Variants in ZNF804A observed in about 807,000 individuals in gnomAD.
ZNF804A encodes the protein zinc finger protein 804A.
A neutral mutation model predicts 16.5 loss-of-function variants in ZNF804A; 2 were observed. The observed-to-expected ratio is 0.12, with a 90% confidence interval of 0.05 to 0.38. ZNF804A has a LOEUF of 0.38. Among genes scored for constraint, ZNF804A ranks in the 10% least tolerant of loss-of-function variants. ZNF804A has a pLI of 0.99. For missense variants in ZNF804A, 1,473 were observed against 1,390.7 expected, an observed-to-expected ratio of 1.06 and a Z score of -0.94; for synonymous variants, 534 against 489.6, an observed-to-expected ratio of 1.09 and a Z score of -1.20.
At chr2:184,894,163 T>C (rs1249759985) in intron 2 of ZNF804A, among the ~76,000 whole-genome samples, 2 of 152,160 alleles carry the variant, frequency 1.3e-5, no homozygotes, top group Admixed American at 6.5e-5. Flanking sequence ...GCTTACCCCG[T>C]TTCAGTTACT....
intron 1 of ZNF804A, among the ~76,000 whole-genome samples, chr2:184,678,824 T>C (rs1238701404): frequency 6.6e-6 from 1 of 152,116 alleles, no homozygotes; most frequent in East Asian, 1.9e-4. Flanking sequence ...AGGAATAGGA[T>C]GGAAACAGTT....
At chr2:184,626,339 C>T (rs1040049770) in intron 1 of ZNF804A, among the ~76,000 whole-genome samples, 23 of 152,086 alleles carry the variant, frequency 1.5e-4, no homozygotes, top group Admixed American at 3.9e-4. Flanking sequence ...CTACATTTTT[C>T]TGCTTGAAGA....
At chr2:184,898,632 A>G (rs1685127483) in intron 2 of ZNF804A, among the ~76,000 whole-genome samples, 1 of 152,060 alleles carries the variant, frequency 6.6e-6, no homozygotes, top group Non-Finnish European at 1.5e-5. Flanking sequence ...TTTATATTTT[A>G]CCTTTCTCTA....
intron 2 of ZNF804A, among the ~76,000 whole-genome samples, chr2:184,892,483 C>T (rs199722731): frequency 6.2e-4 from 66 of 105,692 alleles, no homozygotes; most frequent in East Asian, 1.6e-3. Flanking sequence ...TTGTTGTGTT[C>T]TTTTTTTTTT....
chr2:184,787,874 G>T (rs1466105156), intron 1 of ZNF804A, among the ~76,000 whole-genome samples: 1 of 149,324 alleles, frequency 6.7e-6, no homozygotes. Flanking sequence ...ATTTGTTTTT[G>T]TTACATTTGC....
At position 184,935,788 on chromosome 2, in the gene ZNF804A, C is replaced by T; in HGVS notation, c.392C>T (p.Pro131Leu). The T allele has an allele frequency of 6.3e-7, 1 of 1,599,840 alleles. No individual in the cohort carries two copies. The change falls in exon 4 of 4, where the codon CCT becomes CTT. Residue 131 changes from proline (P) to leucine (L), a missense_variant. By Grantham distance (98) the Pro-to-Leu change is moderately conservative. Coordinates refer to ENST00000302277, the MANE Select transcript of ZNF804A (RefSeq NM_194250.2). ...AELRKETVCA[P>L]GSGPMFKSTT... Reference sequence around the variant, plus strand: ...GCTTCTGTTTCTCTCTCTAGTGCTCCTGGAAGTGGCCCCATGTTCAAATCA... The same window carrying T: ...GCTTCTGTTTCTCTCTCTAGTGCTCTTGGAAGTGGCCCCATGTTCAAATCA...
intron 1 of ZNF804A, among the ~76,000 whole-genome samples, chr2:184,751,931 T>C (rs148944298): frequency 6.5e-4 from 99 of 151,796 alleles, no homozygotes; most frequent in African/African-American, 2.0e-3. Context: ...CACAATGAGA[T>C]ATCATGTTAC....
At chr2:184,887,613 A>C (rs887074275) in intron 2 of ZNF804A, among the ~76,000 whole-genome samples, 7 of 152,226 alleles carry the variant, frequency 4.6e-5, no homozygotes, top group Non-Finnish European at 8.8e-5. Context: ...GGTGAAATGC[A>C]CTTCTTACAT....
intron 1 of ZNF804A, among the ~76,000 whole-genome samples, chr2:184,745,866 A>G (rs1215561744): frequency 6.6e-6 from 1 of 151,672 alleles, no homozygotes; most frequent in Non-Finnish European, 1.5e-5. Flanking sequence ...TTAACAAAGA[A>G]TGTAATCAAT....
chr2:184,737,418 G>A (rs908210591), intron 1 of ZNF804A, among the ~76,000 whole-genome samples: 2 of 151,916 alleles, frequency 1.3e-5, no homozygotes, highest in South Asian at 2.1e-4. Flanking sequence ...ACTTTGTCAC[G>A]TGAATTTTCT....
intron 2 of ZNF804A, among the ~76,000 whole-genome samples, chr2:184,909,767 T>C (rs929149104): frequency 6.6e-6 from 1 of 151,866 alleles, no homozygotes; most frequent in Admixed American, 6.6e-5. Context: ...AAAAAGAAAC[T>C]GATATTTAAT....
intron 1 of ZNF804A, among the ~76,000 whole-genome samples, chr2:184,666,255 T>A (rs1692252227): frequency 6.6e-6 from 1 of 152,158 alleles, no homozygotes; most frequent in Non-Finnish European, 1.5e-5. Context: ...TAATATCGTA[T>A]ATCATATTTG....
intron 3 of ZNF804A, among the ~76,000 whole-genome samples, chr2:184,934,833 T>A (rs1685759367): frequency 6.6e-6 from 1 of 152,124 alleles, no homozygotes; most frequent in Non-Finnish European, 1.5e-5. Flanking sequence ...ACATACATGA[T>A]TTTCCCATTA....
chr2:184,845,120 T>A (rs994540541), intron 1 of ZNF804A, among the ~76,000 whole-genome samples: 1 of 152,122 alleles, frequency 6.6e-6, no homozygotes, highest in Non-Finnish European at 1.5e-5. Flanking sequence ...GCATTGTGTC[T>A]ACTTTTTCCT....
chr2:184,616,683 G>T (rs766834424), intron 1 of ZNF804A, among the ~76,000 whole-genome samples: 1 of 152,124 alleles, frequency 6.6e-6, no homozygotes, highest in African/African-American at 2.4e-5. Context: ...CCCATAAATA[G>T]CCTATAAGTA....
At chr2:184,931,885 C>T (rs867108806) in intron 2 of ZNF804A, among the ~76,000 whole-genome samples, 2 of 152,150 alleles carry the variant, frequency 1.3e-5, no homozygotes, top group Admixed American at 6.6e-5. Context: ...CTTTCAACAG[C>T]CCCTAACTCA....
intron 1 of ZNF804A, among the ~76,000 whole-genome samples, chr2:184,614,069 A>G (rs1271407354): frequency 6.6e-6 from 1 of 152,176 alleles, no homozygotes; most frequent in Non-Finnish European, 1.5e-5. Flanking sequence ...ACAGCATGGT[A>G]CTGGTACCAA....
At chr2:184,803,100 T>C (rs977317349) in intron 1 of ZNF804A, among the ~76,000 whole-genome samples, 2 of 152,190 alleles carry the variant, frequency 1.3e-5, no homozygotes, top group African/African-American at 4.8e-5. Flanking sequence ...ATATTTGCTA[T>C]TATAACTAGT....
chr2:184,722,354 T>G (rs1204116906), intron 1 of ZNF804A, among the ~76,000 whole-genome samples: 1 of 151,976 alleles, frequency 6.6e-6, no homozygotes, highest in Non-Finnish European at 1.5e-5. Flanking sequence ...ATGGTGTACA[T>G]CGAAATTTTA....
Sources: allele counts gnomAD v4.1 joint callset (sites outside exome capture counted in the v4.1 genomes callset), GRCh38; gene constraint gnomAD v4.1.1; transcripts MANE v1.5; gene names NCBI Gene and HGNC (gene_info 2026-07-23, HGNC 2026-07-21).